TMEM63A: variants seen among roughly 807,000 people sequenced by gnomAD.
TMEM63A encodes transmembrane protein 63A, also known as mechanosensitive cation channel TMEM63A.
TMEM63A carries 76 observed loss-of-function variants against 100.6 expected under a neutral mutation model. The observed-to-expected ratio is 0.76, with a 90% CI of 0.63 to 0.91. TMEM63A has a LOEUF of 0.91. Ranked by LOEUF, TMEM63A falls within the 40% of genes least tolerant of loss-of-function variation. TMEM63A has a pLI of 0.00. For missense variants in TMEM63A, 876 were observed against 1,008.8 expected (o/e 0.87, Z 1.78); for synonymous variants, 401 against 401.1 (o/e 1.00, Z 0.00).
At chr1:225,866,151 C>A in intron 9 of TMEM63A, 184 bp from the exon 10 acceptor site, 1 of 616,722 alleles carries the variant, frequency 1.6e-6, no homozygotes, top group South Asian at 1.9e-5. Context: ...TTCTTCCAGG[C>A]TGTACAAAGA....
Position 225,856,757 on chromosome 1 carries a change from G to A in TMEM63A, c.1485-19C>T, listed in dbSNP as rs897796898. ...CCCCGACCTGCAGGAAGTCAAAGGT[G>A]AGCACTCGCAGTCCCCCAAATGCTC... On this transcript the variant is annotated intron_variant, in intron 16 of 24. Coordinates refer to ENST00000366835, the MANE Select transcript of TMEM63A (RefSeq NM_014698.3). 3 of 1,610,666 alleles carry A rather than the reference G, an allele frequency of 1.9e-6. No individual in the cohort carries two copies. Among genetic ancestry groups the A allele is most frequent in the Admixed American group, 1.7e-5 (1 of 59,280 alleles).
intron 9 of TMEM63A, chr1:225,866,369 C>T (rs553298202): frequency 3.6e-6 from 2 of 562,596 alleles, no homozygotes; most frequent in East Asian, 6.2e-5. Flanking sequence ...GCACCAGTAA[C>T]TGTCCAAATC....
intron 20 of TMEM63A, among the ~76,000 whole-genome samples, chr1:225,851,365 GT>G (rs1045943234): frequency 3.3e-4 from 50 of 152,158 alleles, no homozygotes; most frequent in African/African-American, 1.1e-3. Flanking sequence ...AGGTTCTTTT[GT>G]TTTTTTATTT....
At chr1:225,859,634 A>C (rs1669833216) in intron 14 of TMEM63A, 3 of 362,926 alleles carry the variant, frequency 8.3e-6, no homozygotes, top group Non-Finnish European at 1.5e-5. Flanking sequence ...CATGGCATTT[A>C]TTTTTTCTTT....
At chr1:225,861,915 A>G (rs1191047155) in intron 13 of TMEM63A, 3 of 422,004 alleles carry the variant, frequency 7.1e-6, no homozygotes, top group African/African-American at 5.9e-5. Flanking sequence ...CATGAAGCCA[A>G]CAGGATGGGT....
At chr1:225,875,721 T>A (rs965821805) in intron 3 of TMEM63A, among the ~76,000 whole-genome samples, 4 of 152,066 alleles carry the variant, frequency 2.6e-5, no homozygotes, top group African/African-American at 7.2e-5. Flanking sequence ...CAGGGCCCTC[T>A]GGCTCTTATG....
intron 18 of TMEM63A, among the ~76,000 whole-genome samples, chr1:225,854,729 A>G (rs772517604): frequency 7.2e-5 from 11 of 152,168 alleles, no homozygotes; most frequent in South Asian, 2.1e-4. Flanking sequence ...TGTTGTCCGC[A>G]TAAGTTAATT....
chr1:225,850,954 G>A (rs182696832), intron 20 of TMEM63A, among the ~76,000 whole-genome samples: 34 of 152,130 alleles, frequency 2.2e-4, no homozygotes, highest in East Asian at 1.5e-3. Context: ...CTCGTGATCC[G>A]CCCACCTTTG....
downstream of TMEM63A, among the ~76,000 whole-genome samples, chr1:225,843,985 T>G (rs1441497474): frequency 6.6e-6 from 1 of 151,772 alleles, no homozygotes; most frequent in Non-Finnish European, 1.5e-5. Flanking sequence ...CTGGGGAAAG[T>G]GGAAGGTGGG....
chr1:225,876,504 C>G (rs1318674027), intron 3 of TMEM63A, among the ~76,000 whole-genome samples: 1 of 152,162 alleles, frequency 6.6e-6, no homozygotes, highest in African/African-American at 2.4e-5. Flanking sequence ...CACTTTAACC[C>G]CAATAAATCT....
At position 225,867,087 on chromosome 1, in the gene TMEM63A, C is replaced by G; in HGVS notation, c.566+25G>C. 1 of 1,613,966 alleles carries G rather than the reference C, an allele frequency of 6.2e-7. No individual in the cohort carries two copies. The highest frequency in any genetic ancestry group is 8.5e-7 in the Non-Finnish European group (1 of 1,179,832). On this transcript the variant is annotated intron_variant, in intron 8 of 24. Transcript: ENST00000366835. This position sits in a 1 kb window ranked among gnomAD's most constrained non-coding sequence, Gnocchi z 4.6. ...TCTCCTTGATCTCACCCATCAGCAC[C>G]TATCCCCACGGGCTCCATACTCACT...
Position 225,852,816 on chromosome 1 carries a change from A to G in TMEM63A, c.1798-47T>C, listed in dbSNP as rs752443273. On this transcript the variant is annotated intron_variant, in intron 19 of 24. Transcript: ENST00000366835. The stretch of plus-strand genomic sequence containing the variant: ...GAGCTCATGGACTTGTTCCACCTCA[A>G]ACACCCTTTTGTGCTCTCTAAGTGG... The G allele has an allele frequency of 3.7e-5, 57 of 1,552,968 alleles. No individual in the cohort carries two copies. In the South Asian group the frequency reaches 6.2e-4, roughly 17 times the overall value.
chr1:225,869,666 C>CTTTTCTTT (rs76862516), intron 6 of TMEM63A, among the ~76,000 whole-genome samples: 77,380 of 109,786 alleles, frequency 0.7, 29,079 homozygotes, highest in South Asian at 0.84. Flanking sequence ...CTTTTCTTTT[C>CTTTTCTTT]TTTTTTTTTT....
chr1:225,871,071 C>T lies in TMEM63A; in HGVS notation c.371+5G>A, dbSNP rs1670487124. 2.5e-6 allele frequency: 4 copies of T among 1,613,946 alleles called. No individual in the cohort carries two copies. In the South Asian group the frequency reaches 3.3e-5, roughly 13 times the overall value. On this transcript the variant is annotated splice_donor_5th_base_variant and intron_variant, in intron 6 of 24. Coordinates refer to ENST00000366835, the MANE Select transcript of TMEM63A (RefSeq NM_014698.3). ...CCCCCAGCAGCTGCCCCCGGGTGTA[C>T]TCACTGCAGACGGAAGATGGCAGTC... is the stretch of plus-strand genomic sequence containing the variant.
intron 3 of TMEM63A, among the ~76,000 whole-genome samples, chr1:225,876,403 C>G (rs1202219080): frequency 6.6e-6 from 1 of 152,176 alleles, no homozygotes; most frequent in Non-Finnish European, 1.5e-5. Flanking sequence ...TCAGAGCCAT[C>G]TGCCCCCTTC....
intron 14 of TMEM63A, 142 bp downstream of exon 14, chr1:225,860,718 C>T (rs1669894383): frequency 9.2e-7 from 1 of 1,081,738 alleles, no homozygotes; most frequent in Non-Finnish European, 1.3e-6. Context: ...ACACCGAGCA[C>T]ATCACAGCAT....
intron 2 of TMEM63A, among the ~76,000 whole-genome samples, chr1:225,878,882 A>G (rs1419692541): frequency 3.2e-5 from 3 of 94,604 alleles, no homozygotes; most frequent in Admixed American, 1.2e-4. Flanking sequence ...CTACCTACCT[A>G]CCTACACACA....
At chr1:225,860,659 T>C (rs891483715) in intron 14 of TMEM63A, 3 of 449,766 alleles carry the variant, frequency 6.7e-6, no homozygotes, top group African/African-American at 4.0e-5. Flanking sequence ...ACTTGAATGC[T>C]AGGGAGGAAC....
Position 225,860,982 on chromosome 1 carries a change from G to T in TMEM63A, c.1101C>A (p.Phe367Leu), listed in dbSNP as rs1257923261. ...KSMATYILKDFNACKCQSLQC... is the reference protein window; with the variant it reads ...KSMATYILKDLNACKCQSLQC... Reference sequence around the variant, plus strand: ...GAAGGCTCTGACACTTGCAGGCATTGAAATCTTTCAGGATGCTGCAAGGAA... The same window carrying T: ...GAAGGCTCTGACACTTGCAGGCATTTAAATCTTTCAGGATGCTGCAAGGAA... Residue 367 changes from phenylalanine (F) to leucine (L), a missense_variant, in exon 14 of 25, where the codon TTC becomes TTA. This residue lies in a region of TMEM63A where 487 missense variants were observed against 581.9 expected (regional missense o/e 0.84). Coordinates refer to ENST00000366835, the MANE Select transcript of TMEM63A (RefSeq NM_014698.3). The T allele has an allele frequency of 6.2e-7, 1 of 1,611,418 alleles. No individual in the cohort carries two copies.
Sources: allele counts gnomAD v4.1 joint callset (sites outside exome capture counted in the v4.1 genomes callset), GRCh38; gene constraint gnomAD v4.1.1; regional missense constraint gnomAD v4.1.1; non-coding constraint Gnocchi (gnomAD v3.1); transcripts MANE v1.5; gene names NCBI Gene and HGNC (gene_info 2026-07-23, HGNC 2026-07-21).